The following DNAH6 variants were observed in gnomAD, a reference collection of about 807,000 sequenced individuals.
DNAH6 encodes the protein dynein axonemal heavy chain 6.
Under a neutral mutation model 491.4 loss-of-function variants are expected in DNAH6, and 340 were observed. That is an observed-to-expected ratio of 0.69 (90% CI 0.63 to 0.76). DNAH6 has a LOEUF of 0.76. Among genes scored for constraint, DNAH6 ranks in the 30% least tolerant of loss-of-function variants. The probability of loss-of-function intolerance (pLI) is 0.00; values close to 1 mark genes in which losing one functional copy is unlikely to be tolerated. For missense variants in DNAH6, 4,443 were observed against 4,972.2 expected, an observed-to-expected ratio of 0.89 and a Z score of 3.20; for synonymous variants, 1,603 against 1,686.1, an observed-to-expected ratio of 0.95 and a Z score of 1.21.
intron 63 of DNAH6, among the ~76,000 whole-genome samples, chr2:84,754,233 G>A (rs1673776759): frequency 6.6e-6 from 1 of 151,764 alleles, no homozygotes; most frequent in African/African-American, 2.4e-5. Context: ...AGGCTGGAGT[G>A]CAATGGCACG....
At chr2:84,548,536 T>G (rs962040036) in intron 8 of DNAH6, 119 bp downstream of exon 8, 1 of 1,129,712 alleles carries the variant, frequency 8.9e-7, no homozygotes, top group Non-Finnish European at 1.3e-6. Flanking sequence ...CATATCACTA[T>G]GTATATCAAA....
At chr2:84,459,627 G>A in the DNAH6 span, 12 of 258,628 alleles carry the variant, frequency 4.6e-5, no homozygotes, top group African/African-American at 2.7e-4. Flanking sequence ...CAGTGAGACC[G>A]GGGAGACAAG....
intron 64 of DNAH6, among the ~76,000 whole-genome samples, chr2:84,773,915 C>T (rs934819365): frequency 2.0e-5 from 3 of 152,004 alleles, no homozygotes; most frequent in African/African-American, 7.2e-5. Context: ...ATCTTTTGTC[C>T]ACTTTTTAAT....
At chr2:84,577,794 T>C (rs867927427) in intron 13 of DNAH6, among the ~76,000 whole-genome samples, 2 of 152,026 alleles carry the variant, frequency 1.3e-5, no homozygotes, top group Middle Eastern at 3.4e-3. Context: ...TCCCTACAGG[T>C]CTGATTATGT....
chr2:84,601,025 A>ACG (rs1457382401), intron 18 of DNAH6, among the ~76,000 whole-genome samples: 2,420 of 146,200 alleles, frequency 0.017, 180 homozygotes, highest in African/African-American at 0.057. Context: ...TATAATAATA[A>ACG]TGTTATTATT....
At chr2:84,601,050 A>ACAT (rs1441442261) in intron 18 of DNAH6, among the ~76,000 whole-genome samples, 1 of 147,184 alleles carries the variant, frequency 6.8e-6, no homozygotes, top group African/African-American at 2.5e-5. Context: ...TATAATAATA[A>ACAT]TGTTATTATT....
rs371762116 is a variant in DNAH6, at chr2:84,697,595, A to C, written c.7545A>C (p.Leu2515=). The C allele has an allele frequency of 1.3e-6, 2 of 1,551,804 alleles. No homozygotes were observed. The highest frequency in any genetic ancestry group is 1.7e-6 in the Non-Finnish European group (2 of 1,146,982). The change falls in exon 47 of 77, where the codon CTA becomes CTC. Residue 2515 remains leucine (L), a synonymous_variant. Coordinates refer to ENST00000389394, the MANE Select transcript of DNAH6 (RefSeq NM_001370.2). ...TDTQIVVEEF[L]EDINNILNSG... is the part of the protein sequence containing the mutation. Reference sequence around the variant, plus strand: ...TACAGATTGTAGTGGAGGAGTTCCTAGAAGATATAAATAACATCCTGAACT... The same window carrying C: ...TACAGATTGTAGTGGAGGAGTTCCTCGAAGATATAAATAACATCCTGAACT...
chr2:84,773,856 A>G (rs1675871456), intron 64 of DNAH6, among the ~76,000 whole-genome samples: 1 of 151,802 alleles, frequency 6.6e-6, no homozygotes, highest in African/African-American at 2.4e-5. Flanking sequence ...GAGAATTTTT[A>G]TATGTTTTTG....
intron 62 of DNAH6, among the ~76,000 whole-genome samples, chr2:84,740,139 A>C (rs950468355): frequency 6.6e-6 from 1 of 151,828 alleles, no homozygotes; most frequent in African/African-American, 2.4e-5. Flanking sequence ...GTGCTTTCAG[A>C]GTGCCAACTC....
chr2:84,619,049 C>T (rs1573242739), intron 23 of DNAH6, among the ~76,000 whole-genome samples: 1 of 152,208 alleles, frequency 6.6e-6, no homozygotes, highest in African/African-American at 2.4e-5. Flanking sequence ...TTACAATTTC[C>T]TTTACCTATC....
Position 84,529,326 on chromosome 2 carries a change from C to A in DNAH6, c.662+160C>A, listed in dbSNP as rs4832091. 0.93 allele frequency among the ~76,000 whole-genome samples: 141,919 copies of A among 152,088 alleles called. 66,337 individuals carry two copies. Among genetic ancestry groups the A allele is most frequent in the East Asian group, 1 (5,159 of 5,174 alleles). On this transcript the variant is annotated intron_variant, in intron 4 of 76. Transcript: ENST00000389394. ...TAATCACAACAATTTTGTATTTTTT[C>A]ATTTATCTTCCCTTTATCTATTTAG...
chr2:84,647,194 T>C (rs988518978), intron 33 of DNAH6, among the ~76,000 whole-genome samples: 1 of 152,184 alleles, frequency 6.6e-6, no homozygotes, highest in Non-Finnish European at 1.5e-5. Context: ...AGTAGCTAGC[T>C]TCAAACTTCT....
chr2:84,620,317 T>C (rs1687270212), intron 24 of DNAH6, among the ~76,000 whole-genome samples: 1 of 152,160 alleles, frequency 6.6e-6, no homozygotes, highest in African/African-American at 2.4e-5. Flanking sequence ...GTTCAGGGGA[T>C]AGTGTATGTA....
chr2:84,655,616 A>G (rs1266879112), intron 35 of DNAH6, among the ~76,000 whole-genome samples: 1 of 152,164 alleles, frequency 6.6e-6, no homozygotes, highest in Non-Finnish European at 1.5e-5. Flanking sequence ...CTCAGAATTG[A>G]GAGTTTGTCA....
the DNAH6 span, among the ~76,000 whole-genome samples, chr2:84,482,794 C>T: frequency 1.3e-5 from 2 of 152,206 alleles, no homozygotes; most frequent in Non-Finnish European, 2.9e-5. Context: ...TGAAGGAGCA[C>T]AGATTGAGTG....
intron 21 of DNAH6, among the ~76,000 whole-genome samples, chr2:84,609,682 A>AATC (rs1686141264): frequency 6.6e-6 from 1 of 151,720 alleles, no homozygotes; most frequent in Non-Finnish European, 1.5e-5. Context: ...TAATAATAAT[A>AATC]ATAATAATGT....
intron 70 of DNAH6, 60 bp downstream of exon 70, chr2:84,797,718 A>G: frequency 7.7e-7 from 1 of 1,302,302 alleles, no homozygotes; most frequent in Non-Finnish European, 1.1e-6. Context: ...TCAAAACATC[A>G]ATAATCACCC....
Position 84,672,484 on chromosome 2 carries a change from G to C in DNAH6, c.6612G>C (p.Gln2204His), listed in dbSNP as rs1692830458. Reference sequence around the variant, plus strand: ...ACAAACTGTTTTGGAAAGAAATACAGGTTACTTTAGCTTTTAAATTACTTG... The same window carrying C: ...ACAAACTGTTTTGGAAAGAAATACACGTTACTTTAGCTTTTAAATTACTTG... ...DRNKLFWKEIQDVTIISACAP... is the reference protein window; with the variant it reads ...DRNKLFWKEIHDVTIISACAP... Residue 2204 changes from glutamine (Q) to histidine (H), a missense_variant and splice_region_variant, in exon 40 of 77, where the codon CAG (glutamine) becomes CAC (histidine). By Grantham distance (24) the Gln-to-His change is conservative. Coordinates refer to ENST00000389394, the MANE Select transcript of DNAH6 (RefSeq NM_001370.2). 2 of 1,547,578 alleles carry C rather than the reference G, an allele frequency of 1.3e-6. No individual in the cohort carries two copies. The highest frequency in any genetic ancestry group is 1.7e-6 in the Non-Finnish European group (2 of 1,145,208).
In DNAH6 at chr2:84,727,765, A is replaced by G. The variant is rs1460513650; in HGVS notation, c.10069A>G (p.Asn3357Asp). The stretch of plus-strand genomic sequence containing the variant: ...ACAAACTCTCCTAACTGCTTATGTC[A>G]ATGTTTCAAGAGGACTTTTTGAGCA... ...LEQTLLTAYV[N>D]VSRGLFEQHK... Residue 3357 changes from asparagine to aspartate, a missense_variant, in exon 61 of 77, where the codon AAT (asparagine) becomes GAT (aspartate). By Grantham distance (23) the Asn-to-Asp change is conservative. Around this residue, in one of 3 missense-constraint regions of DNAH6, gnomAD observed 1,463 missense variants for 1,656.6 expected, o/e 0.88. Transcript: ENST00000389394. 6 of 1,551,352 alleles carry G rather than the reference A, an allele frequency of 3.9e-6. No homozygotes were observed. Among genetic ancestry groups the G allele is most frequent in the Admixed American group, 2.0e-5 (1 of 50,988 alleles).
Sources: allele counts gnomAD v4.1 joint callset (sites outside exome capture counted in the v4.1 genomes callset), GRCh38; gene constraint gnomAD v4.1.1; regional missense constraint gnomAD v4.1.1; transcripts MANE v1.5; gene names NCBI Gene and HGNC (gene_info 2026-07-23, HGNC 2026-07-21).